SPOCK1: variants seen among roughly 807,000 people sequenced by gnomAD.
SPOCK1 encodes the protein SPARC (osteonectin), cwcv and kazal like domains proteoglycan 1.
In SPOCK1, 23 loss-of-function variants were observed where a neutral mutation model predicts 55.3. That is an observed-to-expected ratio of 0.42 (90% CI 0.30 to 0.59). SPOCK1 has a LOEUF of 0.59. Among genes scored for constraint, SPOCK1 ranks in the 20% least tolerant of loss-of-function variants. The pLI, the probability that SPOCK1 is intolerant of heterozygous loss-of-function variation, is 0.22. For synonymous variants in SPOCK1, 226 were observed against 221.0 expected (o/e 1.02, Z -0.20); for missense variants, 499 against 552.5 (o/e 0.90, Z 0.97).
At chr5:137,184,922 C>T (rs1396706848) in intron 3 of SPOCK1, among the ~76,000 whole-genome samples, 1 of 152,180 alleles carries the variant, frequency 6.6e-6, no homozygotes, top group Non-Finnish European at 1.5e-5. Flanking sequence ...GTCCCCGCCT[C>T]AGAGATGCCA....
intron 3 of SPOCK1, among the ~76,000 whole-genome samples, chr5:137,239,234 G>C (rs554554265): frequency 1.3e-5 from 2 of 152,312 alleles, no homozygotes; most frequent in South Asian, 4.1e-4. Context: ...GATTTGACAA[G>C]GTTCTGAGGT....
intron 2 of SPOCK1, among the ~76,000 whole-genome samples, chr5:137,334,382 G>A (rs1452023630): frequency 2.0e-5 from 3 of 152,138 alleles, no homozygotes; most frequent in Non-Finnish European, 2.9e-5. Context: ...ATTCCAACAA[G>A]ATGTTTGGGG....
intron 6 of SPOCK1, among the ~76,000 whole-genome samples, chr5:136,995,764 C>G (rs558092316): frequency 8.5e-5 from 13 of 152,280 alleles, no homozygotes; most frequent in African/African-American, 3.1e-4. Flanking sequence ...TCCACAGGCT[C>G]CCCAAAGTAC....
chr5:137,422,386 A>C (rs868308807), intron 2 of SPOCK1, among the ~76,000 whole-genome samples: 6 of 152,222 alleles, frequency 3.9e-5, no homozygotes, highest in Non-Finnish European at 5.9e-5. Context: ...GTGTTTTCCA[A>C]CTTGGTTCCA....
intron 5 of SPOCK1, among the ~76,000 whole-genome samples, chr5:137,095,401 G>A (rs1753128685): frequency 2.0e-5 from 3 of 152,176 alleles, no homozygotes; most frequent in African/African-American, 7.2e-5. Context: ...AATGACGTAT[G>A]CCTTTATTAA....
At chr5:137,058,274 T>G (rs1254626098) in intron 6 of SPOCK1, among the ~76,000 whole-genome samples, 2 of 152,230 alleles carry the variant, frequency 1.3e-5, no homozygotes, top group African/African-American at 4.8e-5. Flanking sequence ...CAGATCCCTG[T>G]TCTGTCATCT....
chr5:137,296,549 T>C (rs2127134116), intron 2 of SPOCK1, among the ~76,000 whole-genome samples: 1 of 152,282 alleles, frequency 6.6e-6, no homozygotes, highest in South Asian at 2.1e-4. Context: ...TCTGTGAACA[T>C]TACTGTTGGA....
chr5:137,087,573 G>C (rs542695476), intron 5 of SPOCK1, among the ~76,000 whole-genome samples: 6 of 152,330 alleles, frequency 3.9e-5, no homozygotes, highest in Non-Finnish European at 8.8e-5. Context: ...CCTGCAACCT[G>C]GGGCCTCTGC....
intron 6 of SPOCK1, among the ~76,000 whole-genome samples, chr5:137,036,836 T>G (rs1751894473): frequency 6.6e-6 from 1 of 152,054 alleles, no homozygotes; most frequent in Non-Finnish European, 1.5e-5. Flanking sequence ...ACATTTAAAG[T>G]GCTATTGATT....
intron 5 of SPOCK1, among the ~76,000 whole-genome samples, chr5:137,101,362 A>T (rs1753262007): frequency 6.6e-6 from 1 of 152,236 alleles, no homozygotes; most frequent in East Asian, 1.9e-4. Flanking sequence ...GAGGCCAAGC[A>T]TCTTCGTGTT....
At chr5:137,179,314 T>C (rs751444607) in intron 3 of SPOCK1, among the ~76,000 whole-genome samples, 7 of 152,194 alleles carry the variant, frequency 4.6e-5, no homozygotes, top group Non-Finnish European at 7.3e-5. Context: ...TGAGGGCATT[T>C]GATTTCAGGT....
intron 2 of SPOCK1, among the ~76,000 whole-genome samples, chr5:137,300,490 TTAAAA>T (rs1224285892): frequency 2.0e-5 from 3 of 152,220 alleles, no homozygotes; most frequent in African/African-American, 7.2e-5. Flanking sequence ...TATCTTTCTT[TTAAAA>T]TAATTTTTAT....
At chr5:137,334,034 C>T (rs186896972) in intron 2 of SPOCK1, among the ~76,000 whole-genome samples, 140 of 152,308 alleles carry the variant, frequency 9.2e-4, no homozygotes, top group African/African-American at 3.2e-3. Flanking sequence ...CCCGTCAGAT[C>T]CCCATGGAGT....
At chr5:137,027,989 C>G (rs185495171) in intron 6 of SPOCK1, among the ~76,000 whole-genome samples, 2 of 152,298 alleles carry the variant, frequency 1.3e-5, no homozygotes, top group African/African-American at 4.8e-5. Context: ...AACTGCTGTG[C>G]CCTTCAGATT....
chr5:137,469,818 C>A (rs2149839333), intron 2 of SPOCK1, among the ~76,000 whole-genome samples: 1 of 152,236 alleles, frequency 6.6e-6, no homozygotes, highest in East Asian at 1.9e-4. Flanking sequence ...CATGGAAATG[C>A]CTTCATTGGC....
intron 2 of SPOCK1, among the ~76,000 whole-genome samples, chr5:137,339,109 T>C (rs1016810793): frequency 1.3e-5 from 2 of 152,202 alleles, no homozygotes; most frequent in Non-Finnish European, 2.9e-5. Flanking sequence ...AACCCCAGCA[T>C]ACAGCCAGTG....
chr5:137,277,616 C>T (rs1028898775), intron 2 of SPOCK1, among the ~76,000 whole-genome samples: 3 of 152,160 alleles, frequency 2.0e-5, no homozygotes, highest in Non-Finnish European at 2.9e-5. Context: ...AAGAGATTCT[C>T]ACTACCACTA....
intron 6 of SPOCK1, among the ~76,000 whole-genome samples, chr5:137,055,676 C>G (rs1051329299): frequency 6.6e-6 from 1 of 152,208 alleles, no homozygotes; most frequent in African/African-American, 2.4e-5. Flanking sequence ...CAAGGAAACA[C>G]TAAACAGAAT....
At chr5:136,980,287 C>T (rs1317337442) in intron 9 of SPOCK1, among the ~76,000 whole-genome samples, 1 of 151,458 alleles carries the variant, frequency 6.6e-6, no homozygotes, top group Non-Finnish European at 1.5e-5. Context: ...TGAATGGGTA[C>T]TACTGATATT....
Sources: allele counts gnomAD v4.1 joint callset (sites outside exome capture counted in the v4.1 genomes callset), GRCh38; gene constraint gnomAD v4.1.1; transcripts MANE v1.5; gene names NCBI Gene and HGNC (gene_info 2026-07-23, HGNC 2026-07-21).